Variants in LOC400499 observed in about 807,000 individuals in gnomAD.
At chr16:11,446,721 T>A in the LOC400499 span, 1 of 1,533,838 alleles carries the variant, frequency 6.5e-7, no homozygotes, top group Non-Finnish European at 8.7e-7. Flanking sequence ...TCAGGCCCCT[T>A]CCGGGCTATG....
At chr16:11,481,268 A>G in the LOC400499 span, among the ~76,000 whole-genome samples, 5 of 152,178 alleles carry the variant, frequency 3.3e-5, no homozygotes, top group Admixed American at 6.5e-5. Flanking sequence ...ATGTTCTGGA[A>G]CGAGACAGAA....
chr16:11,388,559 G>C, the LOC400499 span, among the ~76,000 whole-genome samples: 2 of 152,132 alleles, frequency 1.3e-5, no homozygotes, highest in Non-Finnish European at 2.9e-5. Context: ...TGAGGGGGAG[G>C]ATACTGGGTC....
At chr16:11,433,773 T>C in the LOC400499 span, among the ~76,000 whole-genome samples, 1 of 152,156 alleles carries the variant, frequency 6.6e-6, no homozygotes, top group Admixed American at 6.5e-5. Flanking sequence ...AACCATGGGG[T>C]TCACAGAGAG....
chr16:11,461,673 T>C, the LOC400499 span, among the ~76,000 whole-genome samples: 326 of 152,316 alleles, frequency 2.1e-3, 2 homozygotes, highest in Non-Finnish European at 3.6e-3. Context: ...CCAGCTGTTA[T>C]GACTCCCAGA....
chr16:11,477,367 A>T, the LOC400499 span, among the ~76,000 whole-genome samples: 1 of 152,222 alleles, frequency 6.6e-6, no homozygotes, highest in African/African-American at 2.4e-5. Flanking sequence ...CAGGTTCCAG[A>T]ATCGGACCAA....
the LOC400499 span, among the ~76,000 whole-genome samples, chr16:11,375,309 T>C: frequency 4.1e-5 from 5 of 123,158 alleles, 2 homozygotes; most frequent in South Asian, 1.2e-3. Context: ...GGCACCTCCA[T>C]GTACTTTTTT....
At chr16:11,413,944 G>T in the LOC400499 span, among the ~76,000 whole-genome samples, 1 of 152,170 alleles carries the variant, frequency 6.6e-6, no homozygotes, top group African/African-American at 2.4e-5. Flanking sequence ...AGAGGGCCTT[G>T]GTAAGGACGG....
At chr16:11,417,615 T>C in the LOC400499 span, 1 of 398,570 alleles carries the variant, frequency 2.5e-6, no homozygotes, top group Non-Finnish European at 4.4e-6. Flanking sequence ...TCCCGGGCTG[T>C]GCGCTGAGTG....
At chr16:11,473,036 A>T in the LOC400499 span, 1 of 152,008 alleles carries the variant, frequency 6.6e-6, no homozygotes, top group East Asian at 1.9e-4. Context: ...GAATCGCTTA[A>T]ACCCGGGAAG....
At chr16:11,475,615 G>A in the LOC400499 span, 2 of 398,960 alleles carry the variant, frequency 5.0e-6, no homozygotes, top group East Asian at 3.6e-5. Flanking sequence ...TGGAGGCCCT[G>A]CTGCCTACCT....
chr16:11,508,863 G>A, the LOC400499 span: 85 of 399,022 alleles, frequency 2.1e-4, no homozygotes, highest in African/African-American at 1.5e-3. Flanking sequence ...GATCTGAGAT[G>A]GTAAGAGGTG....
the LOC400499 span, chr16:11,446,792 T>A: frequency 6.5e-7 from 1 of 1,536,022 alleles, no homozygotes; most frequent in Non-Finnish European, 8.7e-7. Flanking sequence ...GTCTGCAGGG[T>A]TTCCTCTCGG....
the LOC400499 span, among the ~76,000 whole-genome samples, chr16:11,416,689 G>A: frequency 6.6e-6 from 1 of 152,160 alleles, no homozygotes; most frequent in Non-Finnish European, 1.5e-5. Context: ...AAACGGGGAG[G>A]TGGAAAAGAG....
the LOC400499 span, among the ~76,000 whole-genome samples, chr16:11,429,919 T>C: frequency 6.6e-6 from 1 of 152,200 alleles, no homozygotes; most frequent in Non-Finnish European, 1.5e-5. Flanking sequence ...AATACTTACA[T>C]GACTTCCAAG....
At chr16:11,502,076 C>T in the LOC400499 span, 4 of 399,136 alleles carry the variant, frequency 1.0e-5, no homozygotes, top group African/African-American at 4.1e-5. Flanking sequence ...AGGGACCTTA[C>T]CCATTGTCTC....
the LOC400499 span, among the ~76,000 whole-genome samples, chr16:11,512,113 T>A: frequency 6.7e-6 from 1 of 150,344 alleles, no homozygotes; most frequent in African/African-American, 2.5e-5. Context: ...TAAAACCCCA[T>A]CACTACTAAA....
chr16:11,461,798 C>T, the LOC400499 span, among the ~76,000 whole-genome samples: 2 of 152,206 alleles, frequency 1.3e-5, no homozygotes, highest in Admixed American at 1.3e-4. Flanking sequence ...CGCCACTACC[C>T]CAGCTCCAGC....
At chr16:11,415,802 C>T in the LOC400499 span, among the ~76,000 whole-genome samples, 2 of 152,032 alleles carry the variant, frequency 1.3e-5, no homozygotes, top group Admixed American at 1.3e-4. Flanking sequence ...TGGAGGTGGT[C>T]ATCCAGAATG....
chr16:11,413,933 G>C, the LOC400499 span, among the ~76,000 whole-genome samples: 7 of 152,206 alleles, frequency 4.6e-5, no homozygotes, highest in Non-Finnish European at 7.3e-5. Context: ...CTGAACATCG[G>C]AGAGGGCCTT....
Sources: gnomAD v4.1 joint callset for allele counts (sites outside exome capture counted in the v4.1 genomes callset) on GRCh38, gnomAD v4.1.1 for gene constraint, MANE v1.5 for transcripts.